Variants in SHANK2 observed in about 807,000 individuals in gnomAD.
SHANK2 encodes the protein SH3 and multiple ankyrin repeat domains 2.
A neutral mutation model predicts 133.7 loss-of-function variants in SHANK2; 43 were observed. That is an observed-to-expected ratio of 0.32 (90% CI 0.25 to 0.41). The LOEUF (loss-of-function observed/expected upper bound fraction) is 0.41. Among genes scored for constraint, SHANK2 ranks in the 10% least tolerant of loss-of-function variants. The probability of loss-of-function intolerance (pLI) is 1.00; values close to 1 mark genes in which losing one functional copy is unlikely to be tolerated. For synonymous variants in SHANK2, 1,017 were observed against 952.8 expected (o/e 1.07, Z -1.24); for missense variants, 1,994 against 2,235.8 (o/e 0.89, Z 2.18).
At chr11:70,606,029 G>A (rs10899236) in intron 17 of SHANK2, among the ~76,000 whole-genome samples, 66,862 of 151,876 alleles carry the variant, frequency 0.44, 15,979 homozygotes, top group Non-Finnish European at 0.54. Context: ...TCCGAGGGTC[G>A]GGCTCCCCAG....
chr11:71,110,571 G>A (rs988300374), intron 5 of SHANK2, among the ~76,000 whole-genome samples: 4 of 152,202 alleles, frequency 2.6e-5, no homozygotes, highest in African/African-American at 4.8e-5. Flanking sequence ...ACTCCAGCCT[G>A]GGCAACAGAG....
chr11:70,903,787 G>A (rs914577083), intron 10 of SHANK2, among the ~76,000 whole-genome samples: 7 of 152,196 alleles, frequency 4.6e-5, no homozygotes, highest in East Asian at 1.9e-4. Flanking sequence ...TTAAGCCATT[G>A]TCCAGCTTTG....
chr11:70,826,941 G>A (rs1254548193), intron 11 of SHANK2, among the ~76,000 whole-genome samples: 1 of 152,232 alleles, frequency 6.6e-6, no homozygotes, highest in East Asian at 1.9e-4. Flanking sequence ...GGTGCTGGGC[G>A]CTCCATGCGC....
intron 9 of SHANK2, among the ~76,000 whole-genome samples, chr11:71,066,773 G>T (rs1951068338): frequency 1.3e-5 from 2 of 152,316 alleles, no homozygotes; most frequent in East Asian, 1.9e-4. Flanking sequence ...CGGGGAAGTG[G>T]CTGGGACGCT....
At chr11:71,152,655 G>A (rs1952820314) in intron 2 of SHANK2, among the ~76,000 whole-genome samples, 1 of 152,176 alleles carries the variant, frequency 6.6e-6, no homozygotes, top group Non-Finnish European at 1.5e-5. Context: ...AAACCATGGT[G>A]CAGAAGGGCT....
intron 2 of SHANK2, among the ~76,000 whole-genome samples, chr11:71,203,015 T>C (rs562320748): frequency 1.8e-3 from 279 of 152,322 alleles, no homozygotes; most frequent in Non-Finnish European, 3.7e-3. Context: ...AATTGAGATA[T>C]GGAAAACACT....
intron 10 of SHANK2, among the ~76,000 whole-genome samples, chr11:70,939,625 T>A (rs2135838214): frequency 6.6e-6 from 1 of 152,216 alleles, no homozygotes; most frequent in African/African-American, 2.4e-5. Flanking sequence ...AACTTTGGGA[T>A]TTGCTGACCT....
intron 11 of SHANK2, among the ~76,000 whole-genome samples, chr11:70,855,324 T>C (rs532592117): frequency 8.5e-5 from 13 of 152,346 alleles, no homozygotes; most frequent in Admixed American, 5.9e-4. Flanking sequence ...AAGCTTCCCA[T>C]ATCTAGAATG....
rs149846404 is a variant in SHANK2, at chr11:70,954,683, C to A, written c.1108-58116G>T. Among the ~76,000 whole-genome samples, 207 of 152,364 alleles carry A rather than the reference C, an allele frequency of 1.4e-3. 3 individuals are homozygous for A. In the East Asian group the frequency reaches 0.035, roughly 26 times the overall value. On this transcript the variant is annotated intron_variant, in intron 10 of 25. Coordinates refer to ENST00000601538, the MANE Select transcript of SHANK2 (RefSeq NM_012309.5). ...GTGAAGAGCGCAATACAACACAGAA[C>A]CATTGCCAACGGCATTCCTGGGCCT...
At chr11:70,577,178 C>T (rs945343502) in intron 17 of SHANK2, among the ~76,000 whole-genome samples, 5 of 152,190 alleles carry the variant, frequency 3.3e-5, no homozygotes, top group East Asian at 1.9e-4. Context: ...CAGGAGGACT[C>T]GTGATCCCCG....
At chr11:70,870,315 G>A (rs1419389933) in intron 11 of SHANK2, among the ~76,000 whole-genome samples, 1 of 152,300 alleles carries the variant, frequency 6.6e-6, no homozygotes, top group African/African-American at 2.4e-5. Context: ...AGTGGGGAGG[G>A]AGGGGCAGAT....
chr11:70,751,172 A>T (rs1331023524), intron 14 of SHANK2, among the ~76,000 whole-genome samples: 3 of 152,254 alleles, frequency 2.0e-5, no homozygotes, highest in Non-Finnish European at 2.9e-5. Context: ...TTACAGATTC[A>T]AGAAGCTCAA....
At chr11:70,724,600 A>AGACTTGC (rs1946140897) in intron 14 of SHANK2, among the ~76,000 whole-genome samples, 1 of 152,152 alleles carries the variant, frequency 6.6e-6, no homozygotes, top group Non-Finnish European at 1.5e-5. Context: ...GACAGCATCC[A>AGACTTGC]ATTTAGAGGA....
At chr11:71,147,918 T>C (rs1331223703) in intron 2 of SHANK2, among the ~76,000 whole-genome samples, 1 of 152,150 alleles carries the variant, frequency 6.6e-6, no homozygotes, top group East Asian at 1.9e-4. Flanking sequence ...AGACCAGGAC[T>C]GGAGTGGAAC....
intron 1 of SHANK2, among the ~76,000 whole-genome samples, chr11:71,241,098 T>C (rs1261021635): frequency 5.3e-5 from 8 of 152,226 alleles, no homozygotes; most frequent in African/African-American, 1.9e-4. Flanking sequence ...AGAACACTGG[T>C]GAAAGCTAGC....
At chr11:70,626,574 G>A (rs145328109) in intron 17 of SHANK2, among the ~76,000 whole-genome samples, 240 of 152,278 alleles carry the variant, frequency 1.6e-3, no homozygotes, top group African/African-American at 5.5e-3. Context: ...GGCAGAGCTC[G>A]TCAGTCAGTC....
chr11:71,212,851 C>G (rs1036452420), intron 2 of SHANK2, among the ~76,000 whole-genome samples: 2 of 152,086 alleles, frequency 1.3e-5, no homozygotes, highest in Admixed American at 1.3e-4. Context: ...CAGGTCGGAA[C>G]AGCAGGTGGA....
intron 17 of SHANK2, among the ~76,000 whole-genome samples, chr11:70,613,912 G>A (rs1554995180): frequency 5.9e-5 from 9 of 152,042 alleles, no homozygotes; most frequent in Non-Finnish European, 1.3e-4. Context: ...TTACAGGCAC[G>A]CACCACCATG....
At chr11:71,076,112 C>T (rs1446139849) in intron 8 of SHANK2, among the ~76,000 whole-genome samples, 1 of 152,218 alleles carries the variant, frequency 6.6e-6, no homozygotes, top group South Asian at 2.1e-4. Context: ...CCTCCCCACC[C>T]AAGCTCACAG....
Sources: gnomAD v4.1 joint callset for allele counts (sites outside exome capture counted in the v4.1 genomes callset) on GRCh38, gnomAD v4.1.1 for gene constraint, MANE v1.5 for transcripts, NCBI Gene and HGNC (gene_info 2026-07-23, HGNC 2026-07-21) for gene names.